TIAM1: variants seen among roughly 807,000 people sequenced by gnomAD.
TIAM1 encodes the protein rho guanine nucleotide exchange factor TIAM1.
A neutral mutation model predicts 163.5 loss-of-function variants in TIAM1; 65 were observed. The observed-to-expected ratio is 0.40, with a 90% CI of 0.33 to 0.49. The LOEUF is 0.49. Ranked by LOEUF, TIAM1 falls within the 20% of genes least tolerant of loss-of-function variation. The pLI is 0.77. For missense variants in TIAM1, 1,789 were observed against 2,044.7 expected, an observed-to-expected ratio of 0.87 and a Z score of 2.41; for synonymous variants, 833 against 810.1, an observed-to-expected ratio of 1.03 and a Z score of -0.48.
intron 2 of TIAM1, among the ~76,000 whole-genome samples, chr21:31,291,576 C>T (rs1022890673): frequency 1.3e-5 from 2 of 152,208 alleles, no homozygotes; most frequent in Middle Eastern, 3.2e-3. Context: ...CAGGCGACAA[C>T]ACAATGGCGT....
chr21:31,261,973 A>G (rs1468620382), intron 4 of TIAM1, among the ~76,000 whole-genome samples: 1 of 152,144 alleles, frequency 6.6e-6, no homozygotes, highest in Non-Finnish European at 1.5e-5. Flanking sequence ...CCTCACAAGC[A>G]TGCACAACGG....
chr21:31,187,111 T>C (rs2085340287), intron 13 of TIAM1, 24 bp from the exon 14 acceptor site: 1 of 1,608,662 alleles, frequency 6.2e-7, no homozygotes, highest in Non-Finnish European at 8.5e-7. Context: ...AAAGACAGAA[T>C]GGCAGGGCTC....
intron 23 of TIAM1, among the ~76,000 whole-genome samples, chr21:31,135,612 T>C (rs1238719655): frequency 6.6e-6 from 1 of 152,038 alleles, no homozygotes; most frequent in Non-Finnish European, 1.5e-5. Context: ...TGGTTTATAA[T>C]TAACCCATTA....
chr21:31,421,175 C>G (rs948418167), intron 2 of TIAM1, among the ~76,000 whole-genome samples: 1 of 151,096 alleles, frequency 6.6e-6, no homozygotes, highest in African/African-American at 2.4e-5. Flanking sequence ...TGAGGTCATA[C>G]TGAATTAGAA....
chr21:31,122,334 T>C (rs1156360245), intron 27 of TIAM1, among the ~76,000 whole-genome samples: 2 of 152,206 alleles, frequency 1.3e-5, no homozygotes, highest in Non-Finnish European at 2.9e-5. Context: ...TTCACTTTTA[T>C]CTCAGCACCA....
chr21:31,217,783 C>G, intron 8 of TIAM1, 84 bp from the exon 9 acceptor site: 1 of 1,511,184 alleles, frequency 6.6e-7, no homozygotes, highest in Non-Finnish European at 8.9e-7. Flanking sequence ...AAGTCCCACC[C>G]TTCAAAAAAC....
intron 2 of TIAM1, among the ~76,000 whole-genome samples, chr21:31,451,024 A>G (rs2044816072): frequency 6.6e-6 from 1 of 151,416 alleles, no homozygotes; most frequent in South Asian, 2.1e-4. Flanking sequence ...TAATCCATCT[A>G]GTGGTCAATT....
chr21:31,552,353 A>G (rs1473265556), intron 1 of TIAM1, among the ~76,000 whole-genome samples: 2 of 152,200 alleles, frequency 1.3e-5, no homozygotes, highest in Admixed American at 1.3e-4. Context: ...AAAAATATTA[A>G]ACTAGATCAT....
chr21:31,505,966 G>A (rs2147459005), intron 1 of TIAM1, among the ~76,000 whole-genome samples: 1 of 147,072 alleles, frequency 6.8e-6, no homozygotes, highest in East Asian at 2.0e-4. Flanking sequence ...CCAAGATCTT[G>A]GGCCACTGCA....
chr21:31,193,805 CG>C (rs2085690200), intron 13 of TIAM1, among the ~76,000 whole-genome samples: 2 of 152,148 alleles, frequency 1.3e-5, no homozygotes, highest in African/African-American at 4.8e-5. Flanking sequence ...CAGTGTGAAT[CG>C]GGAAAAGCTA....
intron 4 of TIAM1, among the ~76,000 whole-genome samples, chr21:31,253,023 TC>T (rs2071900658): frequency 6.6e-6 from 1 of 152,234 alleles, no homozygotes; most frequent in African/African-American, 2.4e-5. Context: ...ATTGGGAACT[TC>T]CAAAGCTGCT....
At chr21:31,482,417 G>T (rs1011329522) in intron 1 of TIAM1, among the ~76,000 whole-genome samples, 2 of 152,122 alleles carry the variant, frequency 1.3e-5, no homozygotes, top group Non-Finnish European at 2.9e-5. Context: ...CTCCCAAAGT[G>T]CTGTGATTAC....
rs1453364054 is a variant in TIAM1, at chr21:31,141,314, C to A, written c.3655+11G>T. The stretch of plus-strand genomic sequence containing the variant: ...ACTCAGGCCTGCCGGGGGTCCCAGG[C>A]CGAGGCCTACCGTCCAGGTGGTAGT... On this transcript the variant is annotated intron_variant, in intron 21 of 27. Transcript: ENST00000541036. The surrounding 1 kb of genome is among the most constrained non-coding windows in gnomAD (Gnocchi z 4.7). 6.2e-7 allele frequency: 1 copy of A among 1,613,704 alleles called. No homozygotes were observed. Among genetic ancestry groups the A allele is most frequent in the Admixed American group, 1.7e-5 (1 of 60,022 alleles).
chr21:31,373,997 C>A (rs2147160708), intron 2 of TIAM1, among the ~76,000 whole-genome samples: 1 of 152,118 alleles, frequency 6.6e-6, no homozygotes, highest in Non-Finnish European at 1.5e-5. Flanking sequence ...CACCAGAAGC[C>A]CCACCCCCAC....
At chr21:31,200,919 C>A (rs2086165075) in intron 12 of TIAM1, among the ~76,000 whole-genome samples, 1 of 152,140 alleles carries the variant, frequency 6.6e-6, no homozygotes, top group Non-Finnish European at 1.5e-5. Flanking sequence ...AGAAATAATA[C>A]CATGGTCTCC....
intron 2 of TIAM1, among the ~76,000 whole-genome samples, chr21:31,380,166 G>A (rs1227939592): frequency 1.3e-5 from 2 of 151,942 alleles, no homozygotes; most frequent in Admixed American, 6.6e-5. Flanking sequence ...CGGGAGGCTG[G>A]GCATGAGAAT....
intron 1 of TIAM1, among the ~76,000 whole-genome samples, chr21:31,526,663 T>C (rs2047796551): frequency 2.0e-5 from 3 of 152,154 alleles, no homozygotes; most frequent in Non-Finnish European, 4.4e-5. Context: ...CTTCATCATA[T>C]ATCTATGGGA....
chr21:31,516,427 A>G (rs2047384395), intron 1 of TIAM1, among the ~76,000 whole-genome samples: 1 of 152,176 alleles, frequency 6.6e-6, no homozygotes, highest in Admixed American at 6.5e-5. Context: ...AATAAATAAA[A>G]TTAAAAAATA....
At chr21:31,150,213 A>T (rs1003581759) in intron 19 of TIAM1, among the ~76,000 whole-genome samples, 2 of 152,204 alleles carry the variant, frequency 1.3e-5, no homozygotes, top group Non-Finnish European at 2.9e-5. Context: ...ATATATATTC[A>T]CATACTTATG....
Sources: gnomAD v4.1 joint callset for allele counts (sites outside exome capture counted in the v4.1 genomes callset) on GRCh38, gnomAD v4.1.1 for gene constraint, Gnocchi (gnomAD v3.1) non-coding constraint, MANE v1.5 for transcripts, NCBI Gene and HGNC (gene_info 2026-07-23, HGNC 2026-07-21) for gene names.